CMSS1: variants seen among roughly 807,000 people sequenced by gnomAD.
CMSS1 encodes protein CMSS1.
Under a neutral mutation model 43.5 loss-of-function variants are expected in CMSS1, and 33 were observed. That is an observed-to-expected ratio of 0.76 (90% CI 0.57 to 1.01). The LOEUF (loss-of-function observed/expected upper bound fraction) is 1.01, where lower values mean the gene tolerates loss of function less well. Ranked by LOEUF, CMSS1 falls within the 50% of genes least tolerant of loss-of-function variation. CMSS1 has a pLI of 0.00. For synonymous variants in CMSS1, 115 were observed against 117.2 expected (o/e 0.98, Z 0.12); for missense variants, 313 against 326.4 (o/e 0.96, Z 0.32).
intron 1 of CMSS1, among the ~76,000 whole-genome samples, chr3:100,052,757 A>G (rs2065395772): frequency 6.6e-6 from 1 of 152,172 alleles, no homozygotes; most frequent in South Asian, 2.1e-4. Context: ...CCTCATGTAA[A>G]CCAGTTGTTT....
At chr3:99,972,381 G>A (rs748150961) in intron 1 of CMSS1, among the ~76,000 whole-genome samples, 12 of 152,226 alleles carry the variant, frequency 7.9e-5, no homozygotes, top group Non-Finnish European at 1.6e-4. Flanking sequence ...TAAGAAGTCT[G>A]ATGATATCAT....
At chr3:99,954,207 G>A (rs1055972060) in intron 1 of CMSS1, among the ~76,000 whole-genome samples, 3 of 152,238 alleles carry the variant, frequency 2.0e-5, no homozygotes, top group Non-Finnish European at 2.9e-5. Context: ...TGAAGTCCAT[G>A]CCCAACATCA....
chr3:100,155,539 C>T (rs1475861699), intron 2 of CMSS1, among the ~76,000 whole-genome samples: 1 of 152,190 alleles, frequency 6.6e-6, no homozygotes. Context: ...ATTCTCCAGG[C>T]CCACTGAACA....
At chr3:99,895,150 C>T (rs1366989673) in intron 1 of CMSS1, among the ~76,000 whole-genome samples, 1 of 152,028 alleles carries the variant, frequency 6.6e-6, no homozygotes, top group Admixed American at 6.5e-5. Flanking sequence ...GTGTTCATAA[C>T]CCAGAGAATG....
At chr3:100,107,848 T>C (rs142278231) in intron 1 of CMSS1, among the ~76,000 whole-genome samples, 1,618 of 150,152 alleles carry the variant, frequency 0.011, 35 homozygotes, top group African/African-American at 0.036. Flanking sequence ...ACATGATTTA[T>C]ATTTTATGGT....
At chr3:99,917,910 T>G (rs1295400908) in intron 1 of CMSS1, among the ~76,000 whole-genome samples, 1 of 152,150 alleles carries the variant, frequency 6.6e-6, no homozygotes, top group Non-Finnish European at 1.5e-5. Context: ...TCACAAATTT[T>G]TAGGTGTGAA....
At chr3:99,894,947 A>G (rs532810665) in intron 1 of CMSS1, among the ~76,000 whole-genome samples, 2 of 152,324 alleles carry the variant, frequency 1.3e-5, no homozygotes, top group South Asian at 4.1e-4. Flanking sequence ...ACGAAACATG[A>G]TATTTAATTA....
chr3:99,837,431 A>G (rs1942946222), intron 1 of CMSS1, among the ~76,000 whole-genome samples: 1 of 151,480 alleles, frequency 6.6e-6, no homozygotes. Context: ...CTAGTTAAAG[A>G]GAAGAGAGAA....
At chr3:99,848,318 G>A in intron 1 of CMSS1, 1 of 1,614,124 alleles carries the variant, frequency 6.2e-7, no homozygotes, top group Non-Finnish European at 8.5e-7. Flanking sequence ...TGTCGAGGAA[G>A]AGGTGTGGCT....
At chr3:100,038,769 G>T (rs2065152687) in intron 1 of CMSS1, among the ~76,000 whole-genome samples, 1 of 152,166 alleles carries the variant, frequency 6.6e-6, no homozygotes, top group African/African-American at 2.4e-5. Flanking sequence ...CCAAGTAGCT[G>T]AGATTACAGG....
chr3:99,997,875 A>C (rs1489077184), intron 1 of CMSS1, among the ~76,000 whole-genome samples: 1 of 152,264 alleles, frequency 6.6e-6, no homozygotes, highest in Non-Finnish European at 1.5e-5. Flanking sequence ...AATAAAATGT[A>C]AACTAAAGTA....
chr3:99,855,889 T>C (rs1943937865), intron 1 of CMSS1, among the ~76,000 whole-genome samples: 1 of 152,212 alleles, frequency 6.6e-6, no homozygotes, highest in South Asian at 2.1e-4. Context: ...AAGTCCTCAT[T>C]AACAAATCGG....
At chr3:100,142,070 A>T (rs2066809974) in intron 1 of CMSS1, among the ~76,000 whole-genome samples, 1 of 152,236 alleles carries the variant, frequency 6.6e-6, no homozygotes, top group South Asian at 2.1e-4. Flanking sequence ...AAATTATCCA[A>T]TTTACAGTGA....
intron 1 of CMSS1, among the ~76,000 whole-genome samples, chr3:99,996,012 G>C (rs888799358): frequency 6.6e-6 from 1 of 152,192 alleles, no homozygotes; most frequent in Non-Finnish European, 1.5e-5. Flanking sequence ...TGTTACTTAT[G>C]TAAATTTCTG....
At chr3:99,848,404 C>A (rs377075355) in intron 1 of CMSS1, 3 of 1,614,110 alleles carry the variant, frequency 1.9e-6, no homozygotes, top group Non-Finnish European at 2.5e-6. Flanking sequence ...GCCTTGAGTT[C>A]GGTTATCCTG....
At chr3:99,996,132 C>A (rs577162229) in intron 1 of CMSS1, among the ~76,000 whole-genome samples, 11 of 152,314 alleles carry the variant, frequency 7.2e-5, no homozygotes, top group Admixed American at 2.0e-4. Context: ...AACTGAATGC[C>A]TATAACAGCA....
chr3:100,008,651 A>G (rs965525250), intron 1 of CMSS1, among the ~76,000 whole-genome samples: 1 of 152,260 alleles, frequency 6.6e-6, no homozygotes, highest in Admixed American at 6.5e-5. Context: ...TTAAGTAATT[A>G]TAAGTCTATT....
chr3:99,851,097 T>G, intron 1 of CMSS1: 1 of 1,526,786 alleles, frequency 6.5e-7, no homozygotes. Context: ...GCATTTTATT[T>G]TGTGATTGAT....
intron 1 of CMSS1, among the ~76,000 whole-genome samples, chr3:99,935,250 G>A (rs1262897280): frequency 4.2e-5 from 5 of 118,200 alleles, no homozygotes; most frequent in African/African-American, 6.7e-5. Flanking sequence ...CAGTGGTTTG[G>A]GATTTTCAGG....
Sources: gnomAD v4.1 joint callset for allele counts (sites outside exome capture counted in the v4.1 genomes callset) on GRCh38, gnomAD v4.1.1 for gene constraint, MANE v1.5 for transcripts, NCBI Gene and HGNC (gene_info 2026-07-23, HGNC 2026-07-21) for gene names.